KIF13A: variants seen among roughly 807,000 people sequenced by gnomAD.
KIF13A encodes the protein kinesin family member 13A, also known as kinesin-like protein KIF13A.
KIF13A carries 79 observed loss-of-function variants against 212.2 expected under a neutral mutation model. That is an observed-to-expected ratio of 0.37 (90% CI 0.31 to 0.45). The LOEUF (loss-of-function observed/expected upper bound fraction) is 0.45, where lower values mean the gene tolerates loss of function less well. KIF13A is among the 20% of genes least tolerant of loss of function. The pLI is 1.00. For synonymous variants in KIF13A, 789 were observed against 808.6 expected (o/e 0.98, Z 0.41); for missense variants, 1,901 against 2,209.0 (o/e 0.86, Z 2.79).
intron 9 of KIF13A, among the ~76,000 whole-genome samples, chr6:17,848,596 C>T (rs891180550): frequency 3.1e-5 from 4 of 127,666 alleles, no homozygotes; most frequent in Non-Finnish European, 6.3e-5. Flanking sequence ...GACAGAGTCT[C>T]GCTCTGTTGC....
At position 17,796,760 on chromosome 6, in the gene KIF13A, T is replaced by C. The variant is rs1038175034; in HGVS notation, c.2851A>G (p.Ile951Val). The C allele has an allele frequency of 1.9e-6, 3 of 1,587,828 alleles. No homozygotes were observed. In the African/African-American group the frequency reaches 4.1e-5, roughly 22 times the overall value. Residue 951 changes from isoleucine (I) to valine (V), a missense_variant, in exon 23 of 39, where the codon ATT becomes GTT. This residue lies in a region of KIF13A where 534 missense variants were observed against 536.9 expected (regional missense o/e 0.99). Coordinates refer to ENST00000259711, the MANE Select transcript of KIF13A (RefSeq NM_022113.6). Reference protein sequence around the residue: ...LEFISDGALAIEVWGHRCAGN... With the variant: ...LEFISDGALAVEVWGHRCAGN... ...GCACACCGGTGGCCCCATACTTCAA[T>C]GGCCAGTGCTCCATCTGAAATGAAC... is the stretch of plus-strand genomic sequence containing the variant.
At chr6:17,909,959 CATTT>C (rs1329219033) in intron 2 of KIF13A, among the ~76,000 whole-genome samples, 5 of 152,172 alleles carry the variant, frequency 3.3e-5, no homozygotes, top group African/African-American at 1.2e-4. Context: ...AAGTTGGACA[CATTT>C]ATAAGAACTA....
At chr6:17,827,446 G>C (rs1581439716) in intron 14 of KIF13A, among the ~76,000 whole-genome samples, 1 of 151,728 alleles carries the variant, frequency 6.6e-6, no homozygotes, top group Middle Eastern at 3.5e-3. Context: ...TAACAAAACT[G>C]TCTATGAGAT....
In KIF13A at chr6:17,896,911, T is replaced by G. The variant is rs148453156; in HGVS notation, c.159+1257A>C. On this transcript the variant is annotated intron_variant, in intron 3 of 38. Transcript: ENST00000259711. ...ACTTTGGGGAACCAACAGCAAGGGATGTAAAAGCTAGATAAACGGCACTTA... is the reference window on the plus strand; with the variant it reads ...ACTTTGGGGAACCAACAGCAAGGGAGGTAAAAGCTAGATAAACGGCACTTA... 2.0e-5 allele frequency among the ~76,000 whole-genome samples: 3 copies of G among 152,318 alleles called. No individual in the cohort carries two copies. In the East Asian group the frequency reaches 5.8e-4, roughly 29 times the overall value.
In KIF13A at chr6:17,768,422, A is replaced by C. The variant is rs1313945414; in HGVS notation, c.4581+2692T>G. ...CACATTAAAGCAGTGACTCTTTGTA[A>C]GGAGTTTCCTTCATTAATGCAATTT... On this transcript the variant is annotated intron_variant, in intron 38 of 38. Coordinates refer to ENST00000259711, the MANE Select transcript of KIF13A (RefSeq NM_022113.6). This position sits in a 1 kb window ranked among gnomAD's most constrained non-coding sequence, Gnocchi z 5.4. Among the ~76,000 whole-genome samples the C allele has an allele frequency of 6.6e-6, 1 of 152,226 alleles. No individual in the cohort carries two copies. Among genetic ancestry groups the C allele is most frequent in the Non-Finnish European group, 1.5e-5 (1 of 68,044 alleles).
chr6:17,868,989 C>CAAAAAAAAAAAAAAAAAAAAAA lies in KIF13A; in HGVS notation c.220+4366_220+4387dup, dbSNP rs71002278. On this transcript the variant is annotated intron_variant, in intron 4 of 38. Transcript: ENST00000259711. Reference sequence around the variant, plus strand: ...TGGGCGACAGAGGGAGACTCCCTCTCAAAAAAAAAAAAAAAAAAAAAAAAA... The same window carrying CAAAAAAAAAAAAAAAAAAAAAA: ...TGGGCGACAGAGGGAGACTCCCTCTCAAAAAAAAAAAAAAAAAAAAAAAAAAAAAAAAAAAAAAAAAAAAAAA... Among the ~76,000 whole-genome samples the CAAAAAAAAAAAAAAAAAAAAAA allele has an allele frequency of 3.3e-4, 7 of 20,920 alleles. 1 individual carries two copies. The highest frequency in any genetic ancestry group is 1.8e-3 in the East Asian group (1 of 568). 13.7% of individuals were successfully genotyped at this position (20,920 alleles called of 152,430 possible).
Position 17,800,020 on chromosome 6 carries a change from T to G in KIF13A, c.2548A>C (p.Ser850Arg). 1 of 1,613,984 alleles carries G rather than the reference T, an allele frequency of 6.2e-7. No homozygotes were observed. The highest frequency in any genetic ancestry group is 1.6e-4 in the Middle Eastern group (1 of 6,062). ...EDDSSENSSE[S>R]GSLEVVDSSG... is the part of the protein sequence containing the mutation. ...CTGTCTACGACTTCAAGGCTCCCACTTTCACTGGAATTCTCCGAAGAGTCA... is the reference window on the plus strand; with the variant it reads ...CTGTCTACGACTTCAAGGCTCCCACGTTCACTGGAATTCTCCGAAGAGTCA... Residue 850 changes from serine (S) to arginine (R), a missense_variant, in exon 21 of 39, where the codon AGT (serine) becomes CGT (arginine). Physicochemically the swap from Ser to Arg is moderately radical, Grantham distance 110. Transcript: ENST00000259711.
Position 17,773,485 on chromosome 6 carries a change from A to C in KIF13A, c.4317T>G (p.Asn1439Lys). The change falls in exon 36 of 39, where the codon AAT (asparagine) becomes AAG (lysine). Residue 1439 changes from asparagine (N) to lysine (K), a missense_variant. Physicochemically the swap from Asn to Lys is moderately conservative, Grantham distance 94 (BLOSUM62 0). Coordinates refer to ENST00000259711, the MANE Select transcript of KIF13A (RefSeq NM_022113.6). This position sits in a 1 kb window ranked among gnomAD's most constrained non-coding sequence, Gnocchi z 4.2. Reference protein sequence around the residue: ...GTLPRDSPRRNKEGCTSETPH... With the variant: ...GTLPRDSPRRKKEGCTSETPH... ...AAATAATCTCACCACTACCTTCTTT[A>C]TTCCTTCGAGGAGAATCCCTGGGTA... 6.3e-7 allele frequency: 1 copy of C among 1,576,746 alleles called. No homozygotes were observed. Among genetic ancestry groups the C allele is most frequent in the African/African-American group, 1.3e-5 (1 of 74,258 alleles).
chr6:17,780,700 C>A, intron 31 of KIF13A, 30 bp downstream of exon 31: 1 of 1,603,108 alleles, frequency 6.2e-7, no homozygotes, highest in Non-Finnish European at 8.5e-7. Context: ...AGCTCAGAGC[C>A]AGAATGGCAC....
At chr6:17,941,984 C>A (rs1776995679) in intron 2 of KIF13A, among the ~76,000 whole-genome samples, 1 of 151,806 alleles carries the variant, frequency 6.6e-6, no homozygotes, top group African/African-American at 2.4e-5. Flanking sequence ...CTCTGAATAC[C>A]CAATGCAAAA....
chr6:17,937,746 G>GTTTT (rs11401933), intron 2 of KIF13A, among the ~76,000 whole-genome samples: 3 of 135,688 alleles, frequency 2.2e-5, no homozygotes, highest in Admixed American at 7.4e-5. Context: ...TTCCTTTTTT[G>GTTTT]TTTTTTTTTT....
rs1771786644 is a variant in KIF13A, at chr6:17,888,842, A to G, written c.159+9326T>C. Among the ~76,000 whole-genome samples, 1 of 152,068 alleles carries G rather than the reference A, an allele frequency of 6.6e-6. No individual in the cohort carries two copies. The highest frequency in any genetic ancestry group is 6.6e-5 in the Admixed American group (1 of 15,266). On this transcript the variant is annotated intron_variant, in intron 3 of 38. Coordinates refer to ENST00000259711, the MANE Select transcript of KIF13A (RefSeq NM_022113.6). This position sits in a 1 kb window ranked among gnomAD's most constrained non-coding sequence, Gnocchi z 4.8. The stretch of plus-strand genomic sequence containing the variant: ...CCTATCTCAAAAAAACAAAAAAGTA[A>G]AAAGAGATGAAATAATTTAATATAA...
intron 20 of KIF13A, among the ~76,000 whole-genome samples, chr6:17,804,001 A>C (rs898374338): frequency 1.6e-4 from 25 of 152,080 alleles, no homozygotes; most frequent in Non-Finnish European, 2.4e-4. Context: ...AAATACAAAA[A>C]ATTAGCCCGA....
rs772954554 is a variant in KIF13A at position 17,849,414 on chromosome 6, C to A, written c.793G>T (p.Ala265Ser). 1.4e-5 allele frequency: 22 copies of A among 1,613,610 alleles called. No individual in the cohort carries two copies. Among genetic ancestry groups the A allele is most frequent in the South Asian group, 2.2e-5 (2 of 90,984 alleles). ...CTGCCTTCTTTCAGTCGCTCTCCTG[C>A]AGCTCCTGTTTTAGATACTCTTTCG... ...GSERVSKTGA[A>S]GERLKEGSNI... Residue 265 changes from alanine (A) to serine (S), a missense_variant, in exon 9 of 39, where the codon GCA becomes TCA. This residue lies in a region of KIF13A where 506 missense variants were observed against 637.4 expected (regional missense o/e 0.79). Coordinates refer to ENST00000259711, the MANE Select transcript of KIF13A (RefSeq NM_022113.6). The surrounding 1 kb of genome is among the most constrained non-coding windows in gnomAD (Gnocchi z 5.7).
chr6:17,779,229 A>C, intron 32 of KIF13A, 130 bp from the exon 33 acceptor site: 1 of 483,142 alleles, frequency 2.1e-6, no homozygotes, highest in Non-Finnish European at 3.7e-6. Context: ...GATATTTTTT[A>C]AAGTAGCATA....
chr6:17,831,077 A>G (rs764799960), intron 13 of KIF13A, 24 bp downstream of exon 13: 11 of 1,598,934 alleles, frequency 6.9e-6, no homozygotes, highest in Middle Eastern at 1.7e-4. Context: ...TCTTGATTGC[A>G]TATGTATTTA....
Position 17,789,810 on chromosome 6 carries a change from C to A in KIF13A, c.3261+62G>T. The A allele has an allele frequency of 8.9e-6, 13 of 1,456,614 alleles. No individual in the cohort carries two copies. Among genetic ancestry groups the A allele is most frequent in the East Asian group, 2.3e-5 (1 of 43,964 alleles). The allele number at this position is 1,456,614 out of a possible 1,614,324, so 90.2% of individuals were successfully genotyped here. ...TTCCTCCTCCCTGGCCTCTGCTTTG[C>A]GAATGCTGGCAATTAGCAGTAGCTG... On this transcript the variant is annotated intron_variant, in intron 26 of 38. Transcript: ENST00000259711. This position sits in a 1 kb window ranked among gnomAD's most constrained non-coding sequence, Gnocchi z 4.8.
intron 2 of KIF13A, among the ~76,000 whole-genome samples, chr6:17,949,466 G>A (rs1166920071): frequency 6.6e-6 from 1 of 151,700 alleles, no homozygotes; most frequent in Non-Finnish European, 1.5e-5. Context: ...ATAAACAACT[G>A]TGACTGTCTG....
intron 6 of KIF13A, among the ~76,000 whole-genome samples, chr6:17,854,822 G>A (rs977807028): frequency 6.6e-6 from 1 of 151,796 alleles, no homozygotes; most frequent in Admixed American, 6.6e-5. Flanking sequence ...CAAAGTGCTG[G>A]GATTACAGGT....
Sources: gnomAD v4.1 joint callset for allele counts (sites outside exome capture counted in the v4.1 genomes callset) on GRCh38, gnomAD v4.1.1 for gene constraint, gnomAD v4.1.1 regional missense constraint, Gnocchi (gnomAD v3.1) non-coding constraint, MANE v1.5 for transcripts, NCBI Gene and HGNC (gene_info 2026-07-23, HGNC 2026-07-21) for gene names.